The following CCDC141 variants were observed in gnomAD, a reference collection of about 807,000 sequenced individuals.
CCDC141 encodes coiled-coil domain containing 141, also known as coiled-coil domain-containing protein 141.
CCDC141 carries 168 observed loss-of-function variants against 181.0 expected under a neutral mutation model. The observed-to-expected ratio is 0.93, with a 90% CI of 0.82 to 1.05. CCDC141 has a LOEUF of 1.05. Among genes scored for constraint, CCDC141 ranks in the 50% least tolerant of loss-of-function variants. The pLI is 0.00. For synonymous variants in CCDC141, 666 were observed against 642.3 expected, an observed-to-expected ratio of 1.04 and a Z score of -0.56; for missense variants, 1,902 against 1,788.5, an observed-to-expected ratio of 1.06 and a Z score of -1.14.
At chr2:178,949,659 C>T (rs562323595) in intron 5 of CCDC141, among the ~76,000 whole-genome samples, 3 of 152,208 alleles carry the variant, frequency 2.0e-5, no homozygotes, top group African/African-American at 7.2e-5. Flanking sequence ...CAATCAGGGG[C>T]TCCGTGAAAA....
intron 2 of CCDC141, among the ~76,000 whole-genome samples, chr2:179,021,915 A>G (rs772486460): frequency 6.6e-6 from 1 of 152,178 alleles, no homozygotes; most frequent in Non-Finnish European, 1.5e-5. Flanking sequence ...TTCCAAAAAT[A>G]TTTCTTTTGC....
intron 2 of CCDC141, among the ~76,000 whole-genome samples, chr2:179,035,808 T>C (rs549095454): frequency 3.9e-5 from 6 of 152,260 alleles, no homozygotes; most frequent in African/African-American, 1.4e-4. Flanking sequence ...CACAGCATCA[T>C]CATATTACTC....
At chr2:178,974,055 T>C (rs1691016197) in intron 4 of CCDC141, among the ~76,000 whole-genome samples, 1 of 152,016 alleles carries the variant, frequency 6.6e-6, no homozygotes, top group Non-Finnish European at 1.5e-5. Context: ...AGAATTTACA[T>C]AGGAAAGATT....
At position 178,922,053 on chromosome 2, in the gene CCDC141, G is replaced by C. The variant is rs188966105; in HGVS notation, c.898-3146C>G. Among the ~76,000 whole-genome samples the C allele has an allele frequency of 4.5e-3, 680 of 152,208 alleles. 8 individuals are homozygous for C. Among genetic ancestry groups the C allele is most frequent in the Non-Finnish European group, 7.7e-3 (526 of 67,990 alleles). On this transcript the variant is annotated intron_variant, in intron 6 of 23. Coordinates refer to ENST00000443758, the MANE Select transcript of CCDC141 (RefSeq NM_173648.4). ...GCTGGGGAGGGCCTAGAAAAACAGG[G>C]GCAAGGAAAATGCAGAAGTTAGGAT... is the stretch of plus-strand genomic sequence containing the variant.
At chr2:179,015,809 CATATATATCTCATATATGTATCAT>C (rs1308187674) in intron 2 of CCDC141, among the ~76,000 whole-genome samples, 9 of 135,140 alleles carry the variant, frequency 6.7e-5, no homozygotes, top group Non-Finnish European at 1.1e-4. Context: ...ATATATGTAT[CATATATATCTCATATATGTATCAT>C]ATATATCTCA....
At chr2:178,987,021 G>T (rs1229321717) in intron 2 of CCDC141, among the ~76,000 whole-genome samples, 1 of 151,876 alleles carries the variant, frequency 6.6e-6, no homozygotes, top group Non-Finnish European at 1.5e-5. Context: ...TCAATCCAAA[G>T]CCAAAAGAAC....
the CCDC141 span, among the ~76,000 whole-genome samples, chr2:178,824,217 G>C: frequency 6.6e-6 from 1 of 152,096 alleles, no homozygotes; most frequent in South Asian, 2.1e-4. Flanking sequence ...TAAAGAAATG[G>C]TATAGGCTTT....
intron 7 of CCDC141, among the ~76,000 whole-genome samples, chr2:178,911,696 C>T (rs1215321028): frequency 6.6e-6 from 1 of 152,102 alleles, no homozygotes; most frequent in East Asian, 1.9e-4. Context: ...TGTCACATGG[C>T]CAGTCATTTA....
Position 178,884,979 on chromosome 2 carries a change from TA to T in CCDC141, c.1640del (p.Leu547Ter). 1 of 1,550,510 alleles carries T rather than the reference TA, an allele frequency of 6.4e-7. No individual in the cohort carries two copies. The highest frequency in any genetic ancestry group is 8.7e-7 in the Non-Finnish European group (1 of 1,146,894). ...SSKARWLAEE[L>X]NLFGQSIDYR... is the part of the protein sequence containing the mutation. ...AGTCAATGCTTTGGCCAAATAGGTT[TA>T]ATTCTTCTGCTAGCCATCTAGCTTT... On this transcript the variant is annotated frameshift_variant, in exon 11 of 24. Transcript: ENST00000443758. LOFTEE classifies it high-confidence loss of function.
At chr2:179,023,958 A>G (rs1027173218) in intron 2 of CCDC141, among the ~76,000 whole-genome samples, 1 of 152,230 alleles carries the variant, frequency 6.6e-6, no homozygotes, top group Non-Finnish European at 1.5e-5. Context: ...CATTAATGTG[A>G]CACTGTACTG....
chr2:178,983,384 T>C (rs942004492), intron 2 of CCDC141, among the ~76,000 whole-genome samples: 1 of 152,038 alleles, frequency 6.6e-6, no homozygotes, highest in Admixed American at 6.5e-5. Context: ...ACAGAAAAAC[T>C]AGAAACTCTA....
rs1173710574 is a variant in CCDC141, at chr2:178,944,668, A to C, written c.781-17T>G. 2 of 1,175,400 alleles carry C rather than the reference A, an allele frequency of 1.7e-6. No individual in the cohort carries two copies. The highest frequency in any genetic ancestry group is 5.2e-5 in the East Asian group (2 of 38,266). The allele number at this position is 1,175,400 out of a possible 1,614,324, so 72.8% of individuals were successfully genotyped here. On this transcript the variant is annotated splice_polypyrimidine_tract_variant and intron_variant, in intron 5 of 23. Coordinates refer to ENST00000443758, the MANE Select transcript of CCDC141 (RefSeq NM_173648.4). The stretch of plus-strand genomic sequence containing the variant: ...ACAAGTAACCTAGGTAAAAGGCAAC[A>C]AAGAAAGATCAAAATTCAAATGATC...
At chr2:179,013,734 G>A (rs950216990) in intron 2 of CCDC141, among the ~76,000 whole-genome samples, 12 of 151,878 alleles carry the variant, frequency 7.9e-5, no homozygotes, top group South Asian at 2.1e-4. Flanking sequence ...TTGGGAGGCC[G>A]AGGCAGGTGG....
intron 2 of CCDC141, among the ~76,000 whole-genome samples, chr2:179,031,598 T>A (rs1286074808): frequency 6.6e-6 from 1 of 152,106 alleles, no homozygotes; most frequent in Non-Finnish European, 1.5e-5. Context: ...GAGACATTTA[T>A]TCTTTTGTAA....
intron 5 of CCDC141, among the ~76,000 whole-genome samples, chr2:178,949,540 G>C (rs1489370019): frequency 6.6e-6 from 1 of 152,176 alleles, no homozygotes; most frequent in Non-Finnish European, 1.5e-5. Context: ...TTCTGGAGAA[G>C]AGAAATGGTT....
intron 2 of CCDC141, among the ~76,000 whole-genome samples, chr2:179,031,270 T>A (rs935731666): frequency 3.3e-5 from 5 of 151,980 alleles, no homozygotes; most frequent in Admixed American, 2.6e-4. Flanking sequence ...TTCTTTCATC[T>A]AAGTGTTGAA....
intron 6 of CCDC141, among the ~76,000 whole-genome samples, chr2:178,932,974 G>A (rs1689155870): frequency 6.6e-6 from 1 of 151,984 alleles, no homozygotes; most frequent in African/African-American, 2.4e-5. Flanking sequence ...TGGGACCTAA[G>A]CACTGGTATT....
downstream of CCDC141, among the ~76,000 whole-genome samples, chr2:178,827,814 G>T (rs888133487): frequency 2.0e-5 from 3 of 152,132 alleles, no homozygotes; most frequent in African/African-American, 7.2e-5. Flanking sequence ...ACCACAAAGA[G>T]GGTGGCTTAA....
At chr2:178,925,252 C>T (rs1351732313) in intron 6 of CCDC141, among the ~76,000 whole-genome samples, 1 of 152,114 alleles carries the variant, frequency 6.6e-6, no homozygotes, top group South Asian at 2.1e-4. Context: ...ATATTTAGTT[C>T]GTTTATTTTA....
Sources: allele counts gnomAD v4.1 joint callset (sites outside exome capture counted in the v4.1 genomes callset), GRCh38; gene constraint gnomAD v4.1.1; transcripts MANE v1.5; gene names NCBI Gene and HGNC (gene_info 2026-07-23, HGNC 2026-07-21).